The following ZBTB11 variants were observed in gnomAD, a reference collection of about 807,000 sequenced individuals.
ZBTB11 encodes the protein zinc finger and BTB domain-containing protein 11.
Under a neutral mutation model 113.1 loss-of-function variants are expected in ZBTB11, and 68 were observed. That is an observed-to-expected ratio of 0.60 (90% CI 0.49 to 0.74). The LOEUF is 0.74. Ranked by LOEUF, ZBTB11 falls within the 30% of genes least tolerant of loss-of-function variation. ZBTB11 has a pLI of 0.00. For missense variants in ZBTB11, 1,104 were observed against 1,279.4 expected, an observed-to-expected ratio of 0.86 and a Z score of 2.09; for synonymous variants, 518 against 452.6, an observed-to-expected ratio of 1.14 and a Z score of -1.83.
chr3:101,663,342 G>C (rs535913577), intron 5 of ZBTB11, among the ~76,000 whole-genome samples: 1 of 152,140 alleles, frequency 6.6e-6, no homozygotes, highest in Non-Finnish European at 1.5e-5. Flanking sequence ...AAAATGTTAC[G>C]ATTATAGGTG....
At chr3:101,676,487 T>A (rs536630308) in intron 1 of ZBTB11, 118 bp downstream of exon 1, 1 of 1,084,898 alleles carries the variant, frequency 9.2e-7, no homozygotes, top group East Asian at 3.2e-5. Flanking sequence ...TGGCAGCAGC[T>A]CCGCCGCCCA....
chr3:101,662,168 A>G (rs1936902103), intron 5 of ZBTB11: 1 of 151,354 alleles, frequency 6.6e-6, no homozygotes, highest in East Asian at 1.9e-4. Flanking sequence ...GCCAGCCAAT[A>G]TGACATTTAA....
At chr3:101,667,575 T>C (rs1481081574) in intron 3 of ZBTB11, among the ~76,000 whole-genome samples, 2 of 152,184 alleles carry the variant, frequency 1.3e-5, no homozygotes, top group East Asian at 3.8e-4. Context: ...TTGTGAGATG[T>C]TAGGACTCAG....
At chr3:101,656,054 T>C (rs768487354) in intron 7 of ZBTB11, 50 bp downstream of exon 7, 5 of 1,277,480 alleles carry the variant, frequency 3.9e-6, no homozygotes, top group Non-Finnish European at 5.2e-6. Context: ...TAAAGCATAA[T>C]CATTAATAGT....
chr3:101,670,117 T>C (rs1576652112), intron 3 of ZBTB11, among the ~76,000 whole-genome samples: 1 of 152,170 alleles, frequency 6.6e-6, no homozygotes, highest in South Asian at 2.1e-4. Context: ...CAGGAGCCAC[T>C]GCGCCTGGCC....
At chr3:101,657,095 C>A (rs1199519165) in intron 6 of ZBTB11, among the ~76,000 whole-genome samples, 1 of 136,714 alleles carries the variant, frequency 7.3e-6, no homozygotes, top group Non-Finnish European at 1.5e-5. Flanking sequence ...GAGCCAAGAT[C>A]GTGCTACTGC....
chr3:101,657,691 A>C (rs904041834), intron 6 of ZBTB11, among the ~76,000 whole-genome samples: 16 of 152,012 alleles, frequency 1.1e-4, no homozygotes, highest in Non-Finnish European at 2.4e-4. Flanking sequence ...AAATATAAAA[A>C]ACCTCACTGG....
chr3:101,663,668 A>T (rs563385966), intron 5 of ZBTB11, among the ~76,000 whole-genome samples: 1 of 152,126 alleles, frequency 6.6e-6, no homozygotes, highest in Admixed American at 6.5e-5. Context: ...AGACAGGTGG[A>T]TCATTTGAGC....
At chr3:101,661,776 C>T (rs1354488465) in intron 5 of ZBTB11, among the ~76,000 whole-genome samples, 2 of 152,204 alleles carry the variant, frequency 1.3e-5, no homozygotes, top group Admixed American at 1.3e-4. Flanking sequence ...ACTCCTTTAA[C>T]ACAGAAACTT....
At chr3:101,668,484 T>C (rs960131302) in intron 3 of ZBTB11, among the ~76,000 whole-genome samples, 2 of 152,004 alleles carry the variant, frequency 1.3e-5, no homozygotes, top group African/African-American at 2.4e-5. Context: ...AAAAAATTAG[T>C]TGGACAAGGT....
chr3:101,676,448 T>C (rs1937175354), intron 1 of ZBTB11, 157 bp downstream of exon 1: 14 of 756,710 alleles, frequency 1.9e-5, no homozygotes, highest in Non-Finnish European at 1.9e-6. Flanking sequence ...TGCGGCTCCT[T>C]TCGCGTCCCC....
At chr3:101,659,639 G>T in intron 6 of ZBTB11, 144 bp downstream of exon 6, 2 of 971,314 alleles carry the variant, frequency 2.1e-6, no homozygotes, top group Non-Finnish European at 3.0e-6. Context: ...AATCACCTTT[G>T]ATCTAGGCAA....
chr3:101,668,458 T>A (rs572334153), intron 3 of ZBTB11, among the ~76,000 whole-genome samples: 1 of 152,120 alleles, frequency 6.6e-6, no homozygotes, highest in South Asian at 2.1e-4. Context: ...TGAGACTCCA[T>A]CTCTATAAAC....
chr3:101,651,731 A>C (rs1936706639), intron 10 of ZBTB11, 48 bp from the exon 11 acceptor site: 1 of 1,488,134 alleles, frequency 6.7e-7, no homozygotes, highest in Non-Finnish European at 8.9e-7. Flanking sequence ...CAAGCACCAA[A>C]ATATACTTAA....
intron 1 of ZBTB11, among the ~76,000 whole-genome samples, chr3:101,674,782 A>T (rs1200255151): frequency 1.6e-5 from 1 of 63,716 alleles, no homozygotes; most frequent in Non-Finnish European, 4.2e-5. Context: ...ACTAAAAATT[A>T]AAAAAAAAAC....
chr3:101,674,806 T>A (rs1576654513), intron 1 of ZBTB11, among the ~76,000 whole-genome samples: 1 of 151,394 alleles, frequency 6.6e-6, no homozygotes, highest in African/African-American at 2.4e-5. Flanking sequence ...TGGATTAGAA[T>A]CACTCACAGA....
intron 2 of ZBTB11, chr3:101,671,670 TG>T: frequency 1.7e-6 from 1 of 575,880 alleles, no homozygotes; most frequent in Non-Finnish European, 3.0e-6. Flanking sequence ...AATTTTACCT[TG>T]GGGCGTAAAC....
rs1344829725 is a variant in ZBTB11, at chr3:101,664,519, T to C, written c.1800+19A>G. 1 of 1,585,868 alleles carries C rather than the reference T, an allele frequency of 6.3e-7. No homozygotes were observed. Among genetic ancestry groups the C allele is most frequent in the Admixed American group, 1.9e-5 (1 of 51,652 alleles). ...ATTATGAATTAGAGTTACCTTCAAT[T>C]AGCTTTCCAAATACTTACTGGACAT... On this transcript the variant is annotated intron_variant, in intron 5 of 10. Coordinates refer to ENST00000312938, the MANE Select transcript of ZBTB11 (RefSeq NM_014415.4).
rs917735319 is a variant in ZBTB11, at chr3:101,676,905, C to T, written c.10G>A (p.Glu4Lys). Residue 4 changes from glutamate (E) to lysine (K), a missense_variant, in exon 1 of 11, where the codon GAG (glutamate) becomes AAG (lysine). Physicochemically the swap from Glu to Lys is moderately conservative, Grantham distance 56. Transcript: ENST00000312938. ...CGCAGGATGGCCCGGTAGCTTTCCT[C>T]GCTTGACATCGCGGACCGCGGCTCC... MSS[E>K]ESYRAILRYL... The T allele has an allele frequency of 1.9e-6, 3 of 1,567,548 alleles. No homozygotes were observed. The highest frequency in any genetic ancestry group is 2.6e-6 in the Non-Finnish European group (3 of 1,152,282).
Sources: allele counts gnomAD v4.1 joint callset (sites outside exome capture counted in the v4.1 genomes callset), GRCh38; gene constraint gnomAD v4.1.1; transcripts MANE v1.5; gene names NCBI Gene and HGNC (gene_info 2026-07-23, HGNC 2026-07-21).